Variants in PRKAR2A observed in about 807,000 individuals in gnomAD.
PRKAR2A encodes cAMP-dependent protein kinase type II-alpha regulatory subunit.
Under a neutral mutation model 51.9 loss-of-function variants are expected in PRKAR2A, and 29 were observed. The observed-to-expected ratio is 0.56, with a 90% CI of 0.42 to 0.76. The LOEUF is 0.76. Ranked by LOEUF, PRKAR2A falls within the 30% of genes least tolerant of loss-of-function variation. PRKAR2A has a pLI of 0.00. For synonymous variants in PRKAR2A, 178 were observed against 186.2 expected (o/e 0.96, Z 0.36); for missense variants, 445 against 512.1 (o/e 0.87, Z 1.26).
chr3:48,777,920 C>T lies in PRKAR2A; in HGVS notation c.543-4812G>A, dbSNP rs532257589. On this transcript the variant is annotated intron_variant, in intron 5 of 10. Transcript: ENST00000265563. ...GAAACATAGAATTCAGTGTTTTTAG[C>T]GTCTCCTCCAGACACTAGCATTTAA... Among the ~76,000 whole-genome samples the T allele has an allele frequency of 5.3e-5, 8 of 152,232 alleles. No homozygotes were observed. The East Asian group carries it at 9.6e-4, about 18-fold the overall frequency.
intron 8 of PRKAR2A, among the ~76,000 whole-genome samples, chr3:48,757,834 T>C (rs1353452313): frequency 6.6e-6 from 1 of 151,956 alleles, no homozygotes; most frequent in Non-Finnish European, 1.5e-5. Flanking sequence ...GGTGAGTGGA[T>C]CACCTGAGGT....
intron 1 of PRKAR2A, among the ~76,000 whole-genome samples, chr3:48,821,911 T>C (rs1287936999): frequency 9.8e-6 from 1 of 101,922 alleles, no homozygotes; most frequent in Non-Finnish European, 2.0e-5. Flanking sequence ...CAACACTCCA[T>C]GTCAGAAAAA....
At chr3:48,840,705 T>C (rs2083365460) in intron 1 of PRKAR2A, among the ~76,000 whole-genome samples, 1 of 141,308 alleles carries the variant, frequency 7.1e-6, no homozygotes. Context: ...GCCTCCCGAG[T>C]AGCTGGGACT....
intron 9 of PRKAR2A, among the ~76,000 whole-genome samples, chr3:48,752,598 G>A (rs1382638904): frequency 1.3e-5 from 2 of 152,094 alleles, no homozygotes; most frequent in African/African-American, 2.4e-5. Context: ...TCTAAATAAG[G>A]ACAATGCTTC....
Position 48,836,419 on chromosome 3 carries a change from T to TAAAAAAAAAAAAAA in PRKAR2A, c.262+10902_262+10915dup, listed in dbSNP as rs548970318. 7.8e-4 allele frequency among the ~76,000 whole-genome samples: 44 copies of TAAAAAAAAAAAAAA among 56,068 alleles called. 1 individual carries two copies. Among genetic ancestry groups the TAAAAAAAAAAAAAA allele is most frequent in the African/African-American group, 3.5e-3 (39 of 11,044 alleles). The allele number at this position is 56,068 out of a possible 152,430, so 36.8% of individuals were successfully genotyped here. A position where few individuals can be genotyped will look rare whatever the true frequency, so the allele number is the denominator to read the frequency against. The stretch of plus-strand genomic sequence containing the variant: ...CTGGGCGACAGTGCGAGACTCCGTC[T>TAAAAAAAAAAAAAA]AAAAAAAAAAAAAAAAAAAAAAAAA... On this transcript the variant is annotated intron_variant, in intron 1 of 10. Transcript: ENST00000265563.
At chr3:48,801,035 G>A (rs1028539336) in intron 2 of PRKAR2A, among the ~76,000 whole-genome samples, 1 of 152,088 alleles carries the variant, frequency 6.6e-6, no homozygotes, top group African/African-American at 2.4e-5. Context: ...AGAATGGAAT[G>A]CAGTGGCGCA....
chr3:48,810,407 T>G (rs1437620943), intron 1 of PRKAR2A, among the ~76,000 whole-genome samples: 1 of 152,212 alleles, frequency 6.6e-6, no homozygotes, highest in Admixed American at 6.5e-5. Flanking sequence ...CATATCTTCC[T>G]GTGTACTTTA....
At chr3:48,759,827 T>G (rs558157672) in intron 8 of PRKAR2A, among the ~76,000 whole-genome samples, 5 of 152,354 alleles carry the variant, frequency 3.3e-5, no homozygotes, top group Non-Finnish European at 5.9e-5. Flanking sequence ...GGTTCTTATA[T>G]GTCTCTTTTT....
chr3:48,756,406 G>T lies in PRKAR2A; in HGVS notation c.912C>A (p.Gly304=), dbSNP rs760005069. The T allele has an allele frequency of 6.2e-7, 1 of 1,613,772 alleles. No homozygotes were observed. Among genetic ancestry groups the T allele is most frequent in the Non-Finnish European group, 8.5e-7 (1 of 1,179,884 alleles). Residue 304 remains glycine (G), a synonymous_variant, in exon 9 of 11, where the codon GGC becomes GGA. Coordinates refer to ENST00000265563, the MANE Select transcript of PRKAR2A (RefSeq NM_004157.4). ...KADSFYIIES[G]EVSILIRSRT... is the part of the protein sequence containing the mutation. The stretch of plus-strand genomic sequence containing the variant: ...TGCTTCTAATCAAGATGCTCACTTC[G>T]CCAGACTCTATGATGTAAAAGCTAT...
rs370990563 is a variant in PRKAR2A at position 48,800,108 on chromosome 3, T to C, written c.299-6059A>G. ...CTCCTGACCTTGTGATCCACCCGCCTTGGCCTCCCAAAGTGCTGGGATTAC... is the reference window on the plus strand; with the variant it reads ...CTCCTGACCTTGTGATCCACCCGCCCTGGCCTCCCAAAGTGCTGGGATTAC... On this transcript the variant is annotated intron_variant, in intron 2 of 10. Transcript: ENST00000265563. Among the ~76,000 whole-genome samples, 7 of 151,810 alleles carry C rather than the reference T, an allele frequency of 4.6e-5. No individual in the cohort carries two copies. The South Asian group carries it at 1.5e-3, about 32-fold the overall frequency.
At chr3:48,839,644 T>C (rs1282317465) in intron 1 of PRKAR2A, among the ~76,000 whole-genome samples, 1 of 152,216 alleles carries the variant, frequency 6.6e-6, no homozygotes, top group South Asian at 2.1e-4. Flanking sequence ...GTTTTTTGAC[T>C]CTTTCCAATA....
intron 2 of PRKAR2A, among the ~76,000 whole-genome samples, chr3:48,804,036 T>C (rs2082631475): frequency 6.6e-6 from 1 of 152,168 alleles, no homozygotes; most frequent in Non-Finnish European, 1.5e-5. Context: ...TAGAAGTTAA[T>C]AATCATGAAC....
rs938992004 is a variant in PRKAR2A, at chr3:48,847,084, G to C, written c.262+251C>G. 4.6e-5 allele frequency among the ~76,000 whole-genome samples: 7 copies of C among 152,258 alleles called. No homozygotes were observed. The highest frequency in any genetic ancestry group is 1.7e-4 in the African/African-American group (7 of 41,480). On this transcript the variant is annotated intron_variant, in intron 1 of 10. Coordinates refer to ENST00000265563, the MANE Select transcript of PRKAR2A (RefSeq NM_004157.4). The surrounding 1 kb of genome is among the most constrained non-coding windows in gnomAD (Gnocchi z 4.4). ...CTCTAGCAGGGCCGACAGCGCGCACGTTTCCTTCAAGGCTGGATCTGACAA... is the reference window on the plus strand; with the variant it reads ...CTCTAGCAGGGCCGACAGCGCGCACCTTTCCTTCAAGGCTGGATCTGACAA...
At chr3:48,823,018 C>T (rs1344409922) in intron 1 of PRKAR2A, among the ~76,000 whole-genome samples, 1 of 151,698 alleles carries the variant, frequency 6.6e-6, no homozygotes, top group Non-Finnish European at 1.5e-5. Context: ...ATAAAGCAAA[C>T]GTACTGCATA....
intron 3 of PRKAR2A, among the ~76,000 whole-genome samples, chr3:48,793,265 A>G (rs1013678865): frequency 4.6e-5 from 7 of 152,074 alleles, no homozygotes; most frequent in Non-Finnish European, 1.0e-4. Flanking sequence ...AGGCCCTGGT[A>G]ATCCCATATT....
intron 2 of PRKAR2A, 67 bp downstream of exon 2, chr3:48,807,582 T>A (rs906966682): frequency 5.6e-6 from 7 of 1,241,938 alleles, no homozygotes; most frequent in Non-Finnish European, 8.1e-6. Flanking sequence ...TCAAAATATC[T>A]GTTTTTTCAA....
rs184952793 is a variant in PRKAR2A at position 48,768,753 on chromosome 3, A to G, written c.697-3404T>C. ...CAGAGGGCAGCAAAGTTAACTCCCAATATTTTACAAATCCACCTACAGTGT... is the reference window on the plus strand; with the variant it reads ...CAGAGGGCAGCAAAGTTAACTCCCAGTATTTTACAAATCCACCTACAGTGT... On this transcript the variant is annotated intron_variant, in intron 6 of 10. Transcript: ENST00000265563. Among the ~76,000 whole-genome samples, 170 of 152,298 alleles carry G rather than the reference A, an allele frequency of 1.1e-3. No homozygotes were observed. The Middle Eastern group carries it at 0.017, about 15-fold the overall frequency.
At chr3:48,839,286 C>A (rs1221516321) in intron 1 of PRKAR2A, among the ~76,000 whole-genome samples, 6 of 141,930 alleles carry the variant, frequency 4.2e-5, no homozygotes, top group African/African-American at 1.3e-4. Flanking sequence ...AAAATTCCGT[C>A]TAAAAAAAAA....
intron 1 of PRKAR2A, among the ~76,000 whole-genome samples, chr3:48,832,816 C>G (rs896703093): frequency 3.3e-5 from 5 of 152,074 alleles, no homozygotes; most frequent in Admixed American, 2.6e-4. Context: ...AGTAGGAACC[C>G]TTGATTGATT....
Sources: gnomAD v4.1 joint callset for allele counts (sites outside exome capture counted in the v4.1 genomes callset) on GRCh38, gnomAD v4.1.1 for gene constraint, Gnocchi (gnomAD v3.1) non-coding constraint, MANE v1.5 for transcripts, NCBI Gene and HGNC (gene_info 2026-07-23, HGNC 2026-07-21) for gene names.